The following CNTN6 variants were observed in gnomAD, a reference collection of about 807,000 sequenced individuals.
The protein encoded by CNTN6 is contactin 6, also known as contactin-6.
A neutral mutation model predicts 122.8 loss-of-function variants in CNTN6; 137 were observed. The ratio of observed to expected loss-of-function variants is 1.12; its 90% CI spans 0.97 to 1.29. CNTN6 has a LOEUF of 1.29. Ranked by LOEUF, CNTN6 falls within the 50% of genes most tolerant of loss-of-function variation. The pLI, the probability that CNTN6 is intolerant of heterozygous loss-of-function variation, is 0.00. For synonymous variants in CNTN6, 570 were observed against 426.0 expected, an observed-to-expected ratio of 1.34 and a Z score of -4.16; for missense variants, 1,634 against 1,223.4, an observed-to-expected ratio of 1.34 and a Z score of -5.01.
At chr3:1,225,037 C>T (rs963924485) in intron 3 of CNTN6, among the ~76,000 whole-genome samples, 34 of 152,180 alleles carry the variant, frequency 2.2e-4, no homozygotes, top group African/African-American at 7.5e-4. Context: ...CGTGAACCAC[C>T]GCACCTAGCC....
At chr3:1,153,378 A>G (rs1330743360) in intron 2 of CNTN6, among the ~76,000 whole-genome samples, 1 of 152,162 alleles carries the variant, frequency 6.6e-6, no homozygotes, top group Non-Finnish European at 1.5e-5. Context: ...ATAAACTGAG[A>G]CTCAAAATTA....
chr3:1,322,335 A>C (rs1366405061), intron 8 of CNTN6, among the ~76,000 whole-genome samples: 1 of 151,776 alleles, frequency 6.6e-6, no homozygotes, highest in Non-Finnish European at 1.5e-5. Context: ...TGTTTGTCTC[A>C]GTTACAAAAA....
At chr3:1,368,503 C>T (rs1708545127) in intron 12 of CNTN6, among the ~76,000 whole-genome samples, 1 of 152,076 alleles carries the variant, frequency 6.6e-6, no homozygotes, top group Non-Finnish European at 1.5e-5. Flanking sequence ...ATAAAAGTTG[C>T]ATCAGAGAAA....
rs1397026734 is a variant in CNTN6 at position 1,329,826 on chromosome 3, T to G, written c.1255T>G (p.Ser419Ala). ...DFSKSPVKKK[S>A]FVQVGGDIVI... Reference sequence around the variant, plus strand: ...CTCCAAAAGTCCAGTTAAAAAAAAGTCTTTTGTTCAAGTTGGTGGGGATAT... The same window carrying G: ...CTCCAAAAGTCCAGTTAAAAAAAAGGCTTTTGTTCAAGTTGGTGGGGATAT... Residue 419 changes from serine to alanine, a missense_variant, in exon 11 of 23, where the codon TCT (serine) becomes GCT (alanine). By Grantham distance (99) the Ser-to-Ala change is moderately conservative. Transcript: ENST00000446702. 1 of 1,608,650 alleles carries G rather than the reference T, an allele frequency of 6.2e-7. No homozygotes were observed. The highest frequency in any genetic ancestry group is 8.5e-7 in the Non-Finnish European group (1 of 1,177,612).
chr3:1,380,345 TTTTG>T (rs1321549721), intron 17 of CNTN6, among the ~76,000 whole-genome samples: 2 of 152,128 alleles, frequency 1.3e-5, no homozygotes, highest in Admixed American at 6.5e-5. Flanking sequence ...AATGTAGATT[TTTTG>T]TTTATTTGTT....
chr3:1,170,297 A>G (rs1415308744), intron 2 of CNTN6, among the ~76,000 whole-genome samples: 1 of 151,472 alleles, frequency 6.6e-6, no homozygotes, highest in Admixed American at 6.6e-5. Context: ...CACACTATTC[A>G]AAGATCTTTA....
intron 5 of CNTN6, among the ~76,000 whole-genome samples, chr3:1,292,422 G>A (rs915197863): frequency 1.3e-5 from 2 of 151,782 alleles, no homozygotes; most frequent in Non-Finnish European, 2.9e-5. Context: ...TTCAATAATG[G>A]GTGCTCCGAA....
intron 5 of CNTN6, among the ~76,000 whole-genome samples, chr3:1,293,070 C>T (rs1382710421): frequency 6.6e-6 from 1 of 152,120 alleles, no homozygotes; most frequent in African/African-American, 2.4e-5. Context: ...TGTTCCTGGT[C>T]TCATCTTTAC....
intron 4 of CNTN6, among the ~76,000 whole-genome samples, chr3:1,232,414 C>A (rs2094363985): frequency 6.6e-6 from 1 of 152,142 alleles, no homozygotes; most frequent in African/African-American, 2.4e-5. Context: ...CAGCTACTTC[C>A]TGTCTCAACA....
At chr3:1,192,563 C>T (rs942427628) in intron 2 of CNTN6, among the ~76,000 whole-genome samples, 2 of 152,120 alleles carry the variant, frequency 1.3e-5, no homozygotes, top group Non-Finnish European at 2.9e-5. Context: ...GAGTCCAGAA[C>T]TGCTTTCAGA....
intron 3 of CNTN6, among the ~76,000 whole-genome samples, chr3:1,225,000 G>A (rs537076022): frequency 5.3e-5 from 8 of 152,032 alleles, no homozygotes; most frequent in East Asian, 1.9e-4. Flanking sequence ...AGCCTGCCTC[G>A]GCCTTCCAAA....
chr3:1,395,133 A>G (rs1470848502), intron 20 of CNTN6, among the ~76,000 whole-genome samples: 8 of 152,232 alleles, frequency 5.3e-5, no homozygotes, highest in African/African-American at 1.7e-4. Flanking sequence ...GAGAATAAGA[A>G]GAATATACAA....
intron 4 of CNTN6, among the ~76,000 whole-genome samples, chr3:1,240,395 A>G (rs1352816300): frequency 6.6e-6 from 1 of 152,252 alleles, no homozygotes; most frequent in Non-Finnish European, 1.5e-5. Context: ...GAAGATATAC[A>G]AATGGCAAGC....
chr3:1,209,967 T>C (rs1475948093), intron 2 of CNTN6, among the ~76,000 whole-genome samples: 2 of 152,184 alleles, frequency 1.3e-5, no homozygotes, highest in African/African-American at 4.8e-5. Context: ...AAGATGTATC[T>C]CTCTACTTAG....
chr3:1,119,786 T>C (rs2091883244), intron 1 of CNTN6, among the ~76,000 whole-genome samples: 1 of 152,042 alleles, frequency 6.6e-6, no homozygotes, highest in Non-Finnish European at 1.5e-5. Context: ...TTAAATGAAT[T>C]TGAAAAACGT....
intron 11 of CNTN6, among the ~76,000 whole-genome samples, chr3:1,336,590 G>A (rs1485539158): frequency 6.6e-6 from 1 of 152,066 alleles, no homozygotes; most frequent in African/African-American, 2.4e-5. Context: ...TTTGCAGACA[G>A]GTGTTATCAA....
At chr3:1,096,908 C>T (rs975928387) in intron 1 of CNTN6, among the ~76,000 whole-genome samples, 2 of 152,186 alleles carry the variant, frequency 1.3e-5, no homozygotes, top group Non-Finnish European at 2.9e-5. Flanking sequence ...ACCACGACCA[C>T]TGCCACCTTT....
rs1695969578 is a variant in CNTN6 at position 1,403,321 on chromosome 3, T to G, written c.2990T>G (p.Leu997Trp). Reference sequence around the variant, plus strand: ...GTCTTATTTTTATATTTTGCAGGTTTGAGTTCCAGAGGAATTCAATTCTTA... The same window carrying G: ...GTCTTATTTTTATATTTTGCAGGTTGGAGTTCCAGAGGAATTCAATTCTTA... ...EEIRIPKMSS[L>W]SSRGIQFLEP... Residue 997 changes from leucine to tryptophan, a missense_variant, in exon 23 of 23, where the codon TTG (leucine) becomes TGG (tryptophan). Coordinates refer to ENST00000446702, the MANE Select transcript of CNTN6 (RefSeq NM_001289080.2). The G allele has an allele frequency of 6.3e-7, 1 of 1,599,670 alleles. No individual in the cohort carries two copies. The highest frequency in any genetic ancestry group is 8.5e-7 in the Non-Finnish European group (1 of 1,171,078).
At chr3:1,253,817 C>G (rs2094709755) in intron 4 of CNTN6, among the ~76,000 whole-genome samples, 1 of 152,152 alleles carries the variant, frequency 6.6e-6, no homozygotes, top group South Asian at 2.1e-4. Flanking sequence ...AGATTTCTAA[C>G]TGTCTATGGC....
Sources: gnomAD v4.1 joint callset for allele counts (sites outside exome capture counted in the v4.1 genomes callset) on GRCh38, gnomAD v4.1.1 for gene constraint, MANE v1.5 for transcripts, NCBI Gene and HGNC (gene_info 2026-07-23, HGNC 2026-07-21) for gene names.